Variants in KLHL29 observed in about 807,000 individuals in gnomAD.
The protein encoded by KLHL29 is kelch-like protein 29.
Under a neutral mutation model 80.4 loss-of-function variants are expected in KLHL29, and 21 were observed. That is an observed-to-expected ratio of 0.26 (90% CI 0.19 to 0.38). The LOEUF (loss-of-function observed/expected upper bound fraction) is 0.38, where lower values mean the gene tolerates loss of function less well. Among genes scored for constraint, KLHL29 ranks in the 10% least tolerant of loss-of-function variants. KLHL29 has a pLI of 1.00. For missense variants in KLHL29, 867 were observed against 1,223.9 expected (o/e 0.71, Z 4.35); for synonymous variants, 511 against 526.8 (o/e 0.97, Z 0.41).
intron 3 of KLHL29, among the ~76,000 whole-genome samples, chr2:23,604,710 A>C (rs886980755): frequency 1.3e-5 from 2 of 152,184 alleles, no homozygotes; most frequent in African/African-American, 2.4e-5. Flanking sequence ...GATCTGAGCA[A>C]GAGGCAGGGT....
intron 1 of KLHL29, among the ~76,000 whole-genome samples, chr2:23,471,360 C>A (rs1664491207): frequency 6.6e-6 from 1 of 152,060 alleles, no homozygotes; most frequent in Non-Finnish European, 1.5e-5. Context: ...ATCCTGGGGC[C>A]CTTGTTCATA....
intron 1 of KLHL29, among the ~76,000 whole-genome samples, chr2:23,442,593 TCCCTG>T (rs1663560830): frequency 1.3e-5 from 2 of 152,154 alleles, no homozygotes; most frequent in Non-Finnish European, 1.5e-5. Context: ...AGAAGGAACA[TCCCTG>T]CCAACACTTC....
chr2:23,553,908 C>A (rs1431874564), intron 2 of KLHL29, among the ~76,000 whole-genome samples: 2 of 152,212 alleles, frequency 1.3e-5, no homozygotes, highest in African/African-American at 4.8e-5. Flanking sequence ...ACATGCCAGT[C>A]CGTCGCTGGG....
At chr2:23,554,151 A>G (rs2103491331) in intron 2 of KLHL29, among the ~76,000 whole-genome samples, 1 of 152,330 alleles carries the variant, frequency 6.6e-6, no homozygotes, top group East Asian at 1.9e-4. Context: ...CATCCACGTC[A>G]AGTCGTGGCC....
At position 23,642,857 on chromosome 2, in the gene KLHL29, C is replaced by A. The variant is rs1669811490; in HGVS notation, c.940+7C>A. On this transcript the variant is annotated splice_region_variant and intron_variant, in intron 5 of 13. Transcript: ENST00000486442. ...GACCCGGGGCACCCCAGAGGTAAGT[C>A]CTGCTGCCACGTGCCTCCCCACGGG... The A allele has an allele frequency of 6.5e-7, 1 of 1,550,170 alleles. No homozygotes were observed. The highest frequency in any genetic ancestry group is 8.7e-7 in the Non-Finnish European group (1 of 1,146,852).
chr2:23,403,849 T>C (rs750305097), intron 1 of KLHL29, among the ~76,000 whole-genome samples: 1 of 151,968 alleles, frequency 6.6e-6, no homozygotes, highest in Non-Finnish European at 1.5e-5. Context: ...TGCGTGTGTG[T>C]GCATATGTGT....
In KLHL29 at chr2:23,693,486, A is replaced by G; in HGVS notation, c.1500A>G (p.Thr500=). 6.4e-7 allele frequency: 1 copy of G among 1,551,596 alleles called. No homozygotes were observed. ...NTKAEELVYE[T]VIKWIKKDPA... ...AGGCTGAGGAGCTGGTGTACGAGAC[A>G]GTCATCAAGTGGATCAAGAAGGACC... Residue 500 remains threonine, a synonymous_variant, in exon 8 of 14, where the codon ACA becomes ACG. Transcript: ENST00000486442.
At chr2:23,615,319 C>T (rs868010462) in intron 3 of KLHL29, among the ~76,000 whole-genome samples, 1 of 152,194 alleles carries the variant, frequency 6.6e-6, no homozygotes, top group African/African-American at 2.4e-5. Flanking sequence ...TTCACTGAAC[C>T]GGGTGCTGCC....
At chr2:23,581,877 C>G (rs868347224) in intron 3 of KLHL29, among the ~76,000 whole-genome samples, 2 of 148,944 alleles carry the variant, frequency 1.3e-5, no homozygotes, top group African/African-American at 5.0e-5. Flanking sequence ...TTCATTGTGC[C>G]GTTTTTAAGT....
intron 2 of KLHL29, among the ~76,000 whole-genome samples, chr2:23,511,358 ACAAT>A (rs1665767453): frequency 1.3e-5 from 2 of 152,194 alleles, no homozygotes; most frequent in Admixed American, 1.3e-4. Context: ...CCTGCACAAG[ACAAT>A]CAGAGAAAGT....
chr2:23,461,903 G>C (rs937674208), intron 1 of KLHL29, among the ~76,000 whole-genome samples: 4 of 151,538 alleles, frequency 2.6e-5, no homozygotes, highest in Admixed American at 2.6e-4. Context: ...ACCCAGGACT[G>C]ATGGCCCCTA....
intron 6 of KLHL29, chr2:23,685,325 C>T (rs1463456219): frequency 6.6e-6 from 1 of 152,156 alleles, no homozygotes; most frequent in African/African-American, 2.4e-5. Context: ...CCTTCCAGCT[C>T]CGTAGTAAGG....
chr2:23,622,271 C>G (rs1669201826), intron 3 of KLHL29, among the ~76,000 whole-genome samples: 1 of 152,208 alleles, frequency 6.6e-6, no homozygotes, highest in Non-Finnish European at 1.5e-5. Context: ...CACAACACAT[C>G]ATCCCCTCTG....
chr2:23,547,905 G>A (rs1299262011), intron 2 of KLHL29, among the ~76,000 whole-genome samples: 1 of 152,140 alleles, frequency 6.6e-6, no homozygotes, highest in African/African-American at 2.4e-5. Flanking sequence ...TCCAGGAGGA[G>A]GTGAAGGCAC....
intron 3 of KLHL29, among the ~76,000 whole-genome samples, chr2:23,588,974 C>T (rs1170223800): frequency 6.6e-6 from 1 of 152,264 alleles, no homozygotes; most frequent in East Asian, 1.9e-4. Flanking sequence ...TCCTCACTGC[C>T]TCACTCACGC....
chr2:23,593,190 TG>T (rs1668311913), intron 3 of KLHL29, among the ~76,000 whole-genome samples: 1 of 152,244 alleles, frequency 6.6e-6, no homozygotes, highest in Non-Finnish European at 1.5e-5. Flanking sequence ...GTCACCAGCG[TG>T]CCTCCTCTGG....
At chr2:23,548,366 C>CACACACAG (rs541360193) in intron 2 of KLHL29, among the ~76,000 whole-genome samples, 2 of 151,776 alleles carry the variant, frequency 1.3e-5, no homozygotes, top group Non-Finnish European at 2.9e-5. Flanking sequence ...CACACACAGG[C>CACACACAG]ACACACAGAC....
At chr2:23,518,100 AC>A (rs1474788080) in intron 2 of KLHL29, among the ~76,000 whole-genome samples, 1 of 151,980 alleles carries the variant, frequency 6.6e-6, no homozygotes, top group East Asian at 1.9e-4. Flanking sequence ...AATTAGAGTA[AC>A]CCCCTGAATT....
At chr2:23,450,912 C>A (rs1221077873) in intron 1 of KLHL29, among the ~76,000 whole-genome samples, 1 of 152,168 alleles carries the variant, frequency 6.6e-6, no homozygotes, top group Non-Finnish European at 1.5e-5. Context: ...TTTTCCTTCC[C>A]CCAATCACTG....
Sources: gnomAD v4.1 joint callset for allele counts (sites outside exome capture counted in the v4.1 genomes callset) on GRCh38, gnomAD v4.1.1 for gene constraint, MANE v1.5 for transcripts, NCBI Gene and HGNC (gene_info 2026-07-23, HGNC 2026-07-21) for gene names.